The following VIM variants were observed in gnomAD, a reference collection of about 807,000 sequenced individuals.
VIM encodes epididymis secretory sperm binding protein.
Under a neutral mutation model 50.3 loss-of-function variants are expected in VIM, and 18 were observed. That is an observed-to-expected ratio of 0.36 (90% CI 0.25 to 0.53). The LOEUF (loss-of-function observed/expected upper bound fraction) is 0.53, where lower values mean the gene tolerates loss of function less well. Among genes scored for constraint, VIM ranks in the 20% least tolerant of loss-of-function variants. The pLI is 0.91. For missense variants in VIM, 551 were observed against 614.7 expected (o/e 0.90, Z 1.10); for synonymous variants, 245 against 248.5 (o/e 0.99, Z 0.13).
intron 2 of VIM, 109 bp downstream of exon 2, chr10:17,230,094 G>A (rs1467980788): frequency 7.4e-7 from 1 of 1,347,272 alleles, no homozygotes; most frequent in African/African-American, 1.5e-5. Context: ...GATGTGGCCG[G>A]GGGGAGGCCT....
In VIM at chr10:17,230,113, G is replaced by A. The variant is rs897241482; in HGVS notation, c.563+128G>A. The A allele has an allele frequency of 9.9e-6, 12 of 1,209,642 alleles. No homozygotes were observed. In the South Asian group the frequency reaches 1.7e-4, roughly 17 times the overall value. The allele number at this position is 1,209,642 out of a possible 1,614,324, so 74.9% of individuals were successfully genotyped here. A position where few individuals can be genotyped will look rare whatever the true frequency, so the allele number is the denominator to read the frequency against. On this transcript the variant is annotated intron_variant, in intron 2 of 9. Coordinates refer to ENST00000544301, the MANE Select transcript of VIM (RefSeq NM_003380.5). ...TGGCCGGGGGGAGGCCTGCCAGGGA[G>A]ACAGCGGAGAGCGGGGCTGTGGCTG...
At position 17,236,168 on chromosome 10, in the gene VIM, T is replaced by C. The variant is rs567924470; in HGVS notation, c.1274-126T>C. ...CAAACAGAGACTACCCTAAAATTAT[T>C]TGGCGAGTAGTACTTTACACAATTG... On this transcript the variant is annotated intron_variant, in intron 8 of 9. Transcript: ENST00000544301. 163 of 862,900 alleles carry C rather than the reference T, an allele frequency of 1.9e-4. 2 individuals carry two copies. In the Middle Eastern group the frequency reaches 2.2e-3, roughly 12 times the overall value. The allele number at this position is 862,900 out of a possible 1,614,324, so 53.5% of individuals were successfully genotyped here. A position where few individuals can be genotyped will look rare whatever the true frequency, so the allele number is the denominator to read the frequency against.
intron 3 of VIM, among the ~76,000 whole-genome samples, chr10:17,232,979 ACT>A (rs753763832): frequency 6.6e-6 from 1 of 152,180 alleles, no homozygotes; most frequent in Non-Finnish European, 1.5e-5. Context: ...ACAGAGTGTC[ACT>A]CTGTTGCCCA....
Position 17,232,040 on chromosome 10 carries a change from T to C in VIM, c.624+1330T>C, listed in dbSNP as rs917856566. Among the ~76,000 whole-genome samples the C allele has an allele frequency of 2.0e-5, 3 of 152,246 alleles. No homozygotes were observed. In the South Asian group the frequency reaches 6.2e-4, roughly 31 times the overall value. Reference sequence around the variant, plus strand: ...TGATTATCATACCTGTCATGTTTTCTGCAGTGTAGTGAGTTAACATAAAAC... The same window carrying C: ...TGATTATCATACCTGTCATGTTTTCCGCAGTGTAGTGAGTTAACATAAAAC... On this transcript the variant is annotated intron_variant, in intron 3 of 9. Coordinates refer to ENST00000544301, the MANE Select transcript of VIM (RefSeq NM_003380.5).
At chr10:17,234,974 G>C in intron 6 of VIM, 156 bp downstream of exon 6, 2 of 1,272,924 alleles carry the variant, frequency 1.6e-6, no homozygotes, top group Admixed American at 4.0e-5. Context: ...GGACTTCATG[G>C]AACTCTTGAA....
intron 2 of VIM, 126 bp from the exon 3 acceptor site, chr10:17,230,524 G>C: frequency 9.3e-7 from 1 of 1,069,678 alleles, no homozygotes; most frequent in East Asian, 2.4e-5. Context: ...AAAGCTGCAG[G>C]CGCTAGTTGC....
intron 8 of VIM, 146 bp from the exon 9 acceptor site, chr10:17,236,148 A>G (rs999148370): frequency 1.5e-5 from 12 of 797,846 alleles, no homozygotes; most frequent in Non-Finnish European, 2.6e-5. Flanking sequence ...GTTTCCAAAC[A>G]GAGACTACCC....
In VIM at chr10:17,237,558, A is replaced by G. The variant is rs1846914179; in HGVS notation, c.*287A>G. ...TTTTTTTCCAGCAAGTATCCAACCA[A>G]CTTGGTTCTGCTTCAATAAATCTTT... is the stretch of plus-strand genomic sequence containing the variant. On this transcript the variant is annotated 3_prime_UTR_variant, in exon 10 of 10. Transcript: ENST00000544301. 4 of 347,400 alleles carry G rather than the reference A, an allele frequency of 1.2e-5. No homozygotes were observed. The highest frequency in any genetic ancestry group is 1.0e-5 in the Non-Finnish European group (2 of 190,844). The allele number at this position is 347,400 out of a possible 1,614,324, so 21.5% of individuals were successfully genotyped here.
At chr10:17,232,725 A>G (rs1846818054) in intron 3 of VIM, among the ~76,000 whole-genome samples, 1 of 152,242 alleles carries the variant, frequency 6.6e-6, no homozygotes. Flanking sequence ...CCAGATGACT[A>G]CATATTTGCT....
chr10:17,230,451 C>G, intron 2 of VIM, 199 bp from the exon 3 acceptor site: 1 of 702,434 alleles, frequency 1.4e-6, no homozygotes, highest in East Asian at 2.5e-5. Flanking sequence ...GTGCGGCCAC[C>G]GTGATTGCCC....
At chr10:17,228,826 C>T (rs1406101293) in intron 1 of VIM, 2 of 154,096 alleles carry the variant, frequency 1.3e-5, no homozygotes, top group Non-Finnish European at 2.9e-5. Context: ...GTTTCTTTCT[C>T]CGCGACTTCA....
Position 17,235,357 on chromosome 10 carries a change from C to T in VIM, c.1197C>T (p.Thr399=). 2 of 1,614,220 alleles carry T rather than the reference C, an allele frequency of 1.2e-6. No homozygotes were observed. The highest frequency in any genetic ancestry group is 1.7e-6 in the Non-Finnish European group (2 of 1,180,042). The change falls in exon 7 of 10, where the codon ACC becomes ACT. Residue 399 remains threonine, a synonymous_variant. Coordinates refer to ENST00000544301, the MANE Select transcript of VIM (RefSeq NM_003380.5). The part of the protein sequence containing the change: ...VKMALDIEIA[T]YRKLLEGEES... Reference sequence around the variant, plus strand: ...TGGCCCTTGACATTGAGATTGCCACCTACAGGAAGCTGCTGGAAGGCGAGG... The same window carrying T: ...TGGCCCTTGACATTGAGATTGCCACTTACAGGAAGCTGCTGGAAGGCGAGG...
rs1294995968 is a variant in VIM, at chr10:17,229,582, G to C, written c.160G>C (p.Ala54Pro). Reference protein sequence around the residue: ...LRPSTSRSLYASSPGGVYATR... With the variant: ...LRPSTSRSLYPSSPGGVYATR... ...CCCCAGCACCAGCCGCAGCCTCTAC[G>C]CCTCGTCCCCGGGCGGCGTGTATGC... The change falls in exon 2 of 10, where the codon GCC becomes CCC. Residue 54 changes from alanine to proline, a missense_variant. Ala to Pro is a conservative substitution (Grantham distance 27). Transcript: ENST00000544301. The C allele has an allele frequency of 6.2e-7, 1 of 1,608,254 alleles. No homozygotes were observed. Among genetic ancestry groups the C allele is most frequent in the South Asian group, 1.1e-5 (1 of 90,508 alleles).
intron 3 of VIM, 196 bp from the exon 4 acceptor site, chr10:17,233,390 TA>T: frequency 1.7e-6 from 1 of 587,428 alleles, no homozygotes; most frequent in Non-Finnish European, 3.0e-6. Context: ...ACAATTAAAA[TA>T]TATTAGTGAG....
Position 17,236,021 on chromosome 10 carries a change from T to C in VIM, c.1273+132T>C, listed in dbSNP as rs905949887. 21 of 1,020,694 alleles carry C rather than the reference T, an allele frequency of 2.1e-5. No individual in the cohort carries two copies. The Admixed American group carries it at 4.3e-4, about 21-fold the overall frequency. The allele number at this position is 1,020,694 out of a possible 1,614,324, so 63.2% of individuals were successfully genotyped here. A position where few individuals can be genotyped will look rare whatever the true frequency, so the allele number is the denominator to read the frequency against. The stretch of plus-strand genomic sequence containing the variant: ...AGAAAACTCTATAAAACATCTATAA[T>C]TTTCGAACCCAAGTACACTCTTGCA... On this transcript the variant is annotated intron_variant, in intron 8 of 9. Coordinates refer to ENST00000544301, the MANE Select transcript of VIM (RefSeq NM_003380.5).
rs1846866264 is a variant in VIM at position 17,235,228 on chromosome 10, T to C, written c.1068T>C (p.Ala356=). 2 of 1,614,086 alleles carry C rather than the reference T, an allele frequency of 1.2e-6. No individual in the cohort carries two copies. The highest frequency in any genetic ancestry group is 1.3e-5 in the African/African-American group (1 of 74,926). ...AAGAGAACTTTGCCGTTGAAGCTGCTAACTACCAAGACACTATTGGCCGCC... is the reference window on the plus strand; with the variant it reads ...AAGAGAACTTTGCCGTTGAAGCTGCCAACTACCAAGACACTATTGGCCGCC... ...EMEENFAVEA[A]NYQDTIGRLQ... is the part of the protein sequence containing the mutation. Residue 356 remains alanine, a synonymous_variant, in exon 7 of 10, where the codon GCT becomes GCC. Transcript: ENST00000544301.
intron 9 of VIM, 47 bp downstream of exon 9, chr10:17,236,426 G>C: frequency 1.4e-6 from 2 of 1,447,190 alleles, no homozygotes; most frequent in Non-Finnish European, 1.9e-6. Flanking sequence ...GACAGGAGTT[G>C]ATATATTTTA....
chr10:17,235,813 A>G (rs1160897400), intron 7 of VIM, 33 bp from the exon 8 acceptor site: 1 of 1,610,086 alleles, frequency 6.2e-7, no homozygotes, highest in South Asian at 1.1e-5. Context: ...TTATTTGCCA[A>G]CAATTTTACT....
chr10:17,233,203 C>T, intron 3 of VIM: 1 of 299,648 alleles, frequency 3.3e-6, no homozygotes. Context: ...CCGTCTCAGC[C>T]TCCCAAAGTG....
Sources: gnomAD v4.1 joint callset for allele counts (sites outside exome capture counted in the v4.1 genomes callset) on GRCh38, gnomAD v4.1.1 for gene constraint, MANE v1.5 for transcripts, NCBI Gene and HGNC (gene_info 2026-07-23, HGNC 2026-07-21) for gene names.